FERMT2: variants seen among roughly 807,000 people sequenced by gnomAD.
FERMT2 encodes the protein fermitin family homolog 2.
In FERMT2, 15 loss-of-function variants were observed where a neutral mutation model predicts 82.7. That is an observed-to-expected ratio of 0.18 (90% confidence interval 0.12 to 0.28). The LOEUF (loss-of-function observed/expected upper bound fraction) is 0.28, where lower values mean the gene tolerates loss of function less well. Among genes scored for constraint, FERMT2 ranks in the 10% least tolerant of loss-of-function variants. The pLI is 1.00. For synonymous variants in FERMT2, 274 were observed against 271.5 expected, an observed-to-expected ratio of 1.01 and a Z score of -0.09; for missense variants, 645 against 809.4, an observed-to-expected ratio of 0.80 and a Z score of 2.46.
intron 2 of FERMT2, among the ~76,000 whole-genome samples, chr14:52,937,337 G>A (rs952789876): frequency 6.6e-6 from 1 of 152,148 alleles, no homozygotes. Flanking sequence ...AGGAATAACA[G>A]AATATCGTTT....
At chr14:52,920,676 G>A (rs1888908500) in intron 2 of FERMT2, among the ~76,000 whole-genome samples, 1 of 150,504 alleles carries the variant, frequency 6.6e-6, no homozygotes, top group African/African-American at 2.4e-5. Flanking sequence ...GTGAATGCTG[G>A]GCACAGTGGC....
chr14:52,936,812 CTA>C (rs1409489840), intron 2 of FERMT2, among the ~76,000 whole-genome samples: 10 of 152,134 alleles, frequency 6.6e-5, no homozygotes, highest in African/African-American at 2.4e-4. Context: ...AATCCTATAA[CTA>C]TTTCAATTAC....
intron 3 of FERMT2, among the ~76,000 whole-genome samples, chr14:52,912,437 G>A (rs2139616446): frequency 6.6e-6 from 1 of 151,756 alleles, no homozygotes; most frequent in African/African-American, 2.4e-5. Flanking sequence ...CAGCTGTTAA[G>A]ACTGTTTAGA....
chr14:52,925,813 T>C (rs1266645130), intron 2 of FERMT2, among the ~76,000 whole-genome samples: 1 of 152,034 alleles, frequency 6.6e-6, no homozygotes, highest in Non-Finnish European at 1.5e-5. Flanking sequence ...CCAGCTAATT[T>C]TTGTATTTTT....
At chr14:52,869,469 A>G (rs1314812217) in intron 10 of FERMT2, among the ~76,000 whole-genome samples, 2 of 152,222 alleles carry the variant, frequency 1.3e-5, no homozygotes, top group Non-Finnish European at 2.9e-5. Context: ...CATTTCGGTA[A>G]ACAACGAACT....
At chr14:52,878,737 G>T in intron 6 of FERMT2, 48 bp from the exon 7 acceptor site, 2 of 987,210 alleles carry the variant, frequency 2.0e-6, no homozygotes, top group Non-Finnish European at 2.9e-6. Context: ...CTTTACCATT[G>T]AAAAATTTCA....
intron 3 of FERMT2, among the ~76,000 whole-genome samples, chr14:52,899,105 CTGTCT>C (rs1887467377): frequency 2.0e-5 from 3 of 151,950 alleles, no homozygotes; most frequent in Admixed American, 6.6e-5. Flanking sequence ...GCTTTTTTGT[CTGTCT>C]TAAGTAGATA....
chr14:52,928,897 CCTA>C (rs1889432389), intron 2 of FERMT2, among the ~76,000 whole-genome samples: 2 of 152,320 alleles, frequency 1.3e-5, no homozygotes, highest in Non-Finnish European at 2.9e-5. Context: ...AATCCCACCT[CCTA>C]CGCTCTGCTG....
At chr14:52,874,612 C>A (rs999068248) in intron 8 of FERMT2, among the ~76,000 whole-genome samples, 1 of 152,072 alleles carries the variant, frequency 6.6e-6, no homozygotes, top group Non-Finnish European at 1.5e-5. Context: ...ACAATTTTCC[C>A]GAGATCTATT....
At chr14:52,869,687 A>G (rs1362132283) in intron 10 of FERMT2, among the ~76,000 whole-genome samples, 1 of 152,224 alleles carries the variant, frequency 6.6e-6, no homozygotes, top group East Asian at 1.9e-4. Flanking sequence ...TGTATTTACT[A>G]TACTATTCTT....
chr14:52,894,544 A>G (rs1887142323), intron 3 of FERMT2, among the ~76,000 whole-genome samples: 1 of 152,158 alleles, frequency 6.6e-6, no homozygotes, highest in Admixed American at 6.5e-5. Context: ...CAATCAAGAC[A>G]CTGAACTTAC....
chr14:52,943,049 T>A (rs1021064831), intron 2 of FERMT2, among the ~76,000 whole-genome samples: 2 of 151,354 alleles, frequency 1.3e-5, no homozygotes, highest in African/African-American at 4.9e-5. Flanking sequence ...CCCATCTCTA[T>A]TAAAAATACA....
intron 5 of FERMT2, 40 bp downstream of exon 5, chr14:52,881,204 G>A (rs1420351631): frequency 6.3e-7 from 1 of 1,589,818 alleles, no homozygotes; most frequent in East Asian, 2.2e-5. Flanking sequence ...ACCTCTAGCT[G>A]GATGAAGAAA....
chr14:52,948,219 T>C (rs1890450032), intron 2 of FERMT2, among the ~76,000 whole-genome samples: 1 of 152,220 alleles, frequency 6.6e-6, no homozygotes, highest in African/African-American at 2.4e-5. Context: ...GTCTGCCCTT[T>C]AATACCTTCA....
chr14:52,888,450 C>A (rs892666032), intron 4 of FERMT2, among the ~76,000 whole-genome samples: 2 of 152,142 alleles, frequency 1.3e-5, no homozygotes, highest in Non-Finnish European at 2.9e-5. Context: ...GTCATTATCA[C>A]CAAGCTGAAG....
chr14:52,944,982 C>G (rs1211106493), intron 2 of FERMT2, among the ~76,000 whole-genome samples: 1 of 152,082 alleles, frequency 6.6e-6, no homozygotes, highest in African/African-American at 2.4e-5. Flanking sequence ...CTCACTGCAG[C>G]TGCAAACTCC....
At chr14:52,865,150 T>C (rs920600568) in intron 10 of FERMT2, among the ~76,000 whole-genome samples, 11 of 152,130 alleles carry the variant, frequency 7.2e-5, no homozygotes, top group African/African-American at 2.4e-4. Flanking sequence ...GGTGAAACCA[T>C]GTCTCTACTA....
rs559921589 is a variant in FERMT2, at chr14:52,946,663, A to G, written c.157+3749T>C. 3.2e-4 allele frequency among the ~76,000 whole-genome samples: 49 copies of G among 151,978 alleles called. 1 individual carries two copies. The Middle Eastern group carries it at 0.021, about 64-fold the overall frequency. ...AAGACCTTGCCTCAAACCAAACCAA[A>G]CAGTACTAAATTTTCACAATTCTTT... On this transcript the variant is annotated intron_variant, in intron 2 of 14. Transcript: ENST00000341590.
At chr14:52,938,117 G>A (rs1017134146) in intron 2 of FERMT2, among the ~76,000 whole-genome samples, 2 of 152,132 alleles carry the variant, frequency 1.3e-5, no homozygotes, top group Admixed American at 6.5e-5. Context: ...ACTGAAGCTG[G>A]TATTCAAACC....
Sources: gnomAD v4.1 joint callset for allele counts (sites outside exome capture counted in the v4.1 genomes callset) on GRCh38, gnomAD v4.1.1 for gene constraint, MANE v1.5 for transcripts, NCBI Gene and HGNC (gene_info 2026-07-23, HGNC 2026-07-21) for gene names.